GRM3: variants seen among roughly 807,000 people sequenced by gnomAD.
GRM3 encodes the protein glutamate metabotropic receptor 3.
Under a neutral mutation model 70.5 loss-of-function variants are expected in GRM3, and 26 were observed. That is an observed-to-expected ratio of 0.37 (90% CI 0.27 to 0.51). The LOEUF (loss-of-function observed/expected upper bound fraction) is 0.51, where lower values mean the gene tolerates loss of function less well. Among genes scored for constraint, GRM3 ranks in the 20% least tolerant of loss-of-function variants. The pLI is 0.93. For synonymous variants in GRM3, 443 were observed against 434.9 expected (o/e 1.02, Z -0.23); for missense variants, 859 against 1,123.8 (o/e 0.76, Z 3.37).
chr7:86,765,249 T>C lies in GRM3; in HGVS notation c.104T>C (p.Ile35Thr). 1.2e-6 allele frequency: 2 copies of C among 1,613,806 alleles called. No homozygotes were observed. The highest frequency in any genetic ancestry group is 1.7e-6 in the Non-Finnish European group (2 of 1,179,826). The change falls in exon 2 of 6, where the codon ATA (isoleucine) becomes ACA (threonine). Residue 35 changes from isoleucine (I) to threonine (T), a missense_variant. Transcript: ENST00000361669. ...DHNFLRREIK[I>T]EGDLVLGGLF... ...AACTTTCTAAGGAGAGAGATTAAAA[T>C]AGAAGGTGACCTTGTTTTAGGGGGC...
chr7:86,745,457 A>T (rs1233698231), intron 1 of GRM3, among the ~76,000 whole-genome samples: 1 of 152,124 alleles, frequency 6.6e-6, no homozygotes, highest in African/African-American at 2.4e-5. Context: ...AGATGAAAAC[A>T]ATATAAGTAG....
intron 1 of GRM3, among the ~76,000 whole-genome samples, chr7:86,717,547 A>G (rs1354942763): frequency 3.9e-5 from 6 of 152,004 alleles, no homozygotes; most frequent in Non-Finnish European, 8.8e-5. Flanking sequence ...TTACAAAGGT[A>G]TTCTGAAGCT....
At chr7:86,819,699 T>G (rs557895856) in intron 3 of GRM3, among the ~76,000 whole-genome samples, 1 of 152,282 alleles carries the variant, frequency 6.6e-6, no homozygotes, top group Non-Finnish European at 1.5e-5. Flanking sequence ...TGATTCAAGA[T>G]GTATGATGTT....
chr7:86,847,652 C>G (rs907381259), intron 4 of GRM3, among the ~76,000 whole-genome samples: 2 of 152,008 alleles, frequency 1.3e-5, no homozygotes, highest in Admixed American at 1.3e-4. Context: ...CAAAGAACAA[C>G]CACTGAGGGA....
Position 86,765,763 on chromosome 7 carries a change from G to A in GRM3, c.468+150G>A, listed in dbSNP as rs184164712. ...TTCTAGTTATAATTTGATAATATAG[G>A]TTTGCAGGCAGAAGATTTTTCTACC... is the stretch of plus-strand genomic sequence containing the variant. On this transcript the variant is annotated intron_variant, in intron 2 of 5. Coordinates refer to ENST00000361669, the MANE Select transcript of GRM3 (RefSeq NM_000840.3). 1.1e-4 allele frequency: 79 copies of A among 717,572 alleles called. 3 individuals carry two copies. The Admixed American group carries it at 1.8e-3, about 16-fold the overall frequency. 44.5% of individuals were successfully genotyped at this position (717,572 alleles called of 1,614,324 possible).
intron 2 of GRM3, among the ~76,000 whole-genome samples, chr7:86,780,090 A>C (rs910774370): frequency 6.6e-6 from 1 of 152,200 alleles, no homozygotes; most frequent in Admixed American, 6.5e-5. Context: ...TCCGTGGTGT[A>C]TATGTGTCAC....
At chr7:86,653,443 C>T (rs918794013) in intron 1 of GRM3, among the ~76,000 whole-genome samples, 9 of 152,148 alleles carry the variant, frequency 5.9e-5, no homozygotes, top group African/African-American at 2.2e-4. Context: ...TTGGATTAAC[C>T]AGTTGTATAA....
intron 3 of GRM3, among the ~76,000 whole-genome samples, chr7:86,805,569 C>T (rs1797773479): frequency 6.6e-6 from 1 of 152,124 alleles, no homozygotes; most frequent in South Asian, 2.1e-4. Context: ...CCTAAGACTC[C>T]CCTGTGCTCC....
chr7:86,706,724 C>T (rs1442449845), intron 1 of GRM3, among the ~76,000 whole-genome samples: 3 of 151,866 alleles, frequency 2.0e-5, no homozygotes, highest in African/African-American at 7.3e-5. Flanking sequence ...TGATCTTGAA[C>T]TAGGAACACT....
At chr7:86,707,758 T>C (rs1033300993) in intron 1 of GRM3, among the ~76,000 whole-genome samples, 1 of 152,114 alleles carries the variant, frequency 6.6e-6, no homozygotes, top group African/African-American at 2.4e-5. Context: ...TAGATGTTAC[T>C]TTTTACTCAA....
At chr7:86,840,450 T>G (rs116084288) in intron 4 of GRM3, among the ~76,000 whole-genome samples, 1,653 of 152,274 alleles carry the variant, frequency 0.011, 19 homozygotes, top group African/African-American at 0.037. Flanking sequence ...TTTCTATAGC[T>G]TTAGTTATAT....
At chr7:86,688,685 A>G (rs555400313) in intron 1 of GRM3, among the ~76,000 whole-genome samples, 1 of 149,836 alleles carries the variant, frequency 6.7e-6, no homozygotes, top group South Asian at 2.1e-4. Context: ...TTTACCATGT[A>G]TATCATATAT....
At chr7:86,700,735 T>C (rs1288988338) in intron 1 of GRM3, among the ~76,000 whole-genome samples, 2 of 151,932 alleles carry the variant, frequency 1.3e-5, no homozygotes, top group African/African-American at 2.4e-5. Flanking sequence ...AGAATACAAG[T>C]CATTTATATA....
At chr7:86,649,171 T>C (rs1377189986) in intron 1 of GRM3, among the ~76,000 whole-genome samples, 1 of 152,112 alleles carries the variant, frequency 6.6e-6, no homozygotes, top group African/African-American at 2.4e-5. Context: ...CCTCCTGAGG[T>C]CCCAAAGTAT....
intron 2 of GRM3, among the ~76,000 whole-genome samples, chr7:86,774,460 C>G (rs1253093891): frequency 6.6e-6 from 1 of 152,088 alleles, no homozygotes; most frequent in Non-Finnish European, 1.5e-5. Context: ...ACAACACCAC[C>G]TGGTATATTG....
intron 4 of GRM3, among the ~76,000 whole-genome samples, chr7:86,846,470 C>G (rs200063698): frequency 3.3e-5 from 5 of 152,240 alleles, no homozygotes; most frequent in East Asian, 3.9e-4. Context: ...GTACATGTCT[C>G]TGCAATTTTT....
intron 3 of GRM3, among the ~76,000 whole-genome samples, chr7:86,804,471 G>A (rs977833359): frequency 6.6e-6 from 1 of 152,110 alleles, no homozygotes; most frequent in African/African-American, 2.4e-5. Context: ...GTACAATGGC[G>A]CAATCTCGGC....
At chr7:86,766,871 C>T (rs1407243258) in intron 2 of GRM3, among the ~76,000 whole-genome samples, 3 of 152,032 alleles carry the variant, frequency 2.0e-5, no homozygotes, top group Non-Finnish European at 4.4e-5. Context: ...GCTATATTTG[C>T]GTTGGAATAA....
chr7:86,646,941 A>C (rs1489680427), intron 1 of GRM3, among the ~76,000 whole-genome samples: 2 of 152,242 alleles, frequency 1.3e-5, no homozygotes, highest in Non-Finnish European at 2.9e-5. Flanking sequence ...GATTTAACCC[A>C]CAACTACACA....
Sources: allele counts gnomAD v4.1 joint callset (sites outside exome capture counted in the v4.1 genomes callset), GRCh38; gene constraint gnomAD v4.1.1; transcripts MANE v1.5; gene names NCBI Gene and HGNC (gene_info 2026-07-23, HGNC 2026-07-21).